NGEF: variants seen among roughly 807,000 people sequenced by gnomAD.
The protein encoded by NGEF is ephexin-1.
Under a neutral mutation model 80.9 loss-of-function variants are expected in NGEF, and 31 were observed. The observed-to-expected ratio is 0.38, with a 90% CI of 0.29 to 0.52. The LOEUF (loss-of-function observed/expected upper bound fraction) is 0.52. Among genes scored for constraint, NGEF ranks in the 20% least tolerant of loss-of-function variants. The probability of loss-of-function intolerance (pLI) is 0.84; values close to 1 mark genes in which losing one functional copy is unlikely to be tolerated. For missense variants in NGEF, 709 were observed against 926.2 expected, an observed-to-expected ratio of 0.77 and a Z score of 3.04; for synonymous variants, 371 against 370.2, an observed-to-expected ratio of 1.00 and a Z score of -0.03.
At chr2:232,894,615 T>G in intron 6 of NGEF, 141 bp downstream of exon 6, 3 of 912,646 alleles carry the variant, frequency 3.3e-6, no homozygotes, top group South Asian at 3.5e-5. Flanking sequence ...AGTTCTTCAT[T>G]TATTTATATT....
rs113024350 is a variant in NGEF, at chr2:232,894,748, G to A, written c.989+8C>T. The A allele has an allele frequency of 3.8e-5, 60 of 1,562,644 alleles. No individual in the cohort carries two copies. The highest frequency in any genetic ancestry group is 1.6e-4 in the East Asian group (7 of 43,884). Reference sequence around the variant, plus strand: ...CCTGAGGGAGGTGGCTGTCCCCCCCGTCCTCACCGCTCACTGACAGCCAGC... The same window carrying A: ...CCTGAGGGAGGTGGCTGTCCCCCCCATCCTCACCGCTCACTGACAGCCAGC... On this transcript the variant is annotated splice_region_variant and intron_variant, in intron 6 of 14. Coordinates refer to ENST00000264051, the MANE Select transcript of NGEF (RefSeq NM_019850.3).
rs146669880 is a variant in NGEF at position 232,975,611 on chromosome 2, A to G, written c.-74-647T>C. 4.3e-3 allele frequency among the ~76,000 whole-genome samples: 655 copies of G among 152,224 alleles called. 7 individuals carry two copies. The highest frequency in any genetic ancestry group is 0.014 in the African/African-American group (584 of 41,524). Reference sequence around the variant, plus strand: ...TATAGCATATCATCTGAACGAGGACACTTTTCATAGGAAAAGGGGGATACA... The same window carrying G: ...TATAGCATATCATCTGAACGAGGACGCTTTTCATAGGAAAAGGGGGATACA... On this transcript the variant is annotated intron_variant, in intron 1 of 14. Coordinates refer to ENST00000264051, the MANE Select transcript of NGEF (RefSeq NM_019850.3).
rs946341673 is a variant in NGEF, at chr2:232,892,762, G to A, written c.1142+136C>T. 1.4e-5 allele frequency: 13 copies of A among 939,076 alleles called. No homozygotes were observed. The highest frequency in any genetic ancestry group is 8.0e-5 in the South Asian group (5 of 62,728). 58.2% of individuals were successfully genotyped at this position (939,076 alleles called of 1,614,324 possible). A position where few individuals can be genotyped will look rare whatever the true frequency, so the allele number is the denominator to read the frequency against. On this transcript the variant is annotated intron_variant, in intron 7 of 14. Transcript: ENST00000264051. This position sits in a 1 kb window ranked among gnomAD's most constrained non-coding sequence, Gnocchi z 4.0. ...GTCACCAGTATCCCTGGCCAACTCC[G>A]GTGGCTCATGTGGACCTTGGGAACG...
chr2:232,908,651 T>C (rs951028507), intron 5 of NGEF, among the ~76,000 whole-genome samples: 2 of 152,116 alleles, frequency 1.3e-5, no homozygotes, highest in Non-Finnish European at 2.9e-5. Flanking sequence ...CCACTCCTCC[T>C]ACCTCAGCCT....
chr2:232,964,639 G>A (rs1465108425), intron 3 of NGEF, among the ~76,000 whole-genome samples: 1 of 152,202 alleles, frequency 6.6e-6, no homozygotes, highest in Non-Finnish European at 1.5e-5. Flanking sequence ...AGTGAACTGA[G>A]ATTTTGCCAC....
rs768333503 is a variant in NGEF at position 232,885,381 on chromosome 2, A to G, written c.1348-12T>C. The G allele has an allele frequency of 4.3e-6, 7 of 1,612,550 alleles. No individual in the cohort carries two copies. Among genetic ancestry groups the G allele is most frequent in the Non-Finnish European group, 5.9e-6 (7 of 1,178,670 alleles). ...CATGCCTTCACCACCTGGGACAAGA[A>G]GGAGGGCACATCAGGCCACCAAAGC... On this transcript the variant is annotated splice_polypyrimidine_tract_variant and intron_variant, in intron 9 of 14. Transcript: ENST00000264051.
chr2:232,968,909 T>C lies in NGEF; in HGVS notation c.383+1305A>G, dbSNP rs1025981276. On this transcript the variant is annotated intron_variant, in intron 3 of 14. Coordinates refer to ENST00000264051, the MANE Select transcript of NGEF (RefSeq NM_019850.3). Reference sequence around the variant, plus strand: ...TTTCCCTCCACCTGAACTGTGGCTGTGATGGCTGGAGCTTTGGCAGTCACC... The same window carrying C: ...TTTCCCTCCACCTGAACTGTGGCTGCGATGGCTGGAGCTTTGGCAGTCACC... Among the ~76,000 whole-genome samples, 8 of 152,340 alleles carry C rather than the reference T, an allele frequency of 5.3e-5. No individual in the cohort carries two copies. The East Asian group carries it at 1.4e-3, about 26-fold the overall frequency.
chr2:232,959,826 G>A (rs374936610), intron 3 of NGEF, among the ~76,000 whole-genome samples: 3 of 152,174 alleles, frequency 2.0e-5, no homozygotes, highest in Non-Finnish European at 4.4e-5. Flanking sequence ...TAATCTGCCC[G>A]CCTCGGCCTC....
Position 232,909,270 on chromosome 2 carries a change from C to G in NGEF, c.828+11014G>C, listed in dbSNP as rs147671379. On this transcript the variant is annotated intron_variant, in intron 5 of 14. Coordinates refer to ENST00000264051, the MANE Select transcript of NGEF (RefSeq NM_019850.3). ...TGGTAATAGTGTACTCCTTTCTTTT[C>G]CATCCTCTTTGAAGATCCGTGTATT... Among the ~76,000 whole-genome samples the G allele has an allele frequency of 9.5e-3, 1,441 of 152,276 alleles. 27 individuals carry two copies. Among genetic ancestry groups the G allele is most frequent in the African/African-American group, 0.033 (1,370 of 41,548 alleles).
At chr2:232,906,395 G>T (rs1270132047) in intron 5 of NGEF, among the ~76,000 whole-genome samples, 4 of 110,920 alleles carry the variant, frequency 3.6e-5, no homozygotes, top group African/African-American at 1.4e-4. Flanking sequence ...GGAGGGAGGT[G>T]GGGGGGTCAG....
At chr2:232,943,533 T>C (rs1264508659) in intron 3 of NGEF, among the ~76,000 whole-genome samples, 1 of 140,690 alleles carries the variant, frequency 7.1e-6, no homozygotes, top group Non-Finnish European at 1.6e-5. Flanking sequence ...TCTCACTCTG[T>C]CGCCCAGGCT....
chr2:233,007,386 G>T (rs1695107022), intron 1 of NGEF, among the ~76,000 whole-genome samples: 1 of 152,236 alleles, frequency 6.6e-6, no homozygotes, highest in Non-Finnish European at 1.5e-5. Context: ...AGAACCCTTT[G>T]GCCCGCCAGG....
intron 1 of NGEF, among the ~76,000 whole-genome samples, chr2:232,989,352 G>A (rs1421634353): frequency 6.6e-6 from 1 of 152,184 alleles, no homozygotes; most frequent in Non-Finnish European, 1.5e-5. Flanking sequence ...GGAGGCTGAG[G>A]CAGGAGAATT....
intron 1 of NGEF, among the ~76,000 whole-genome samples, chr2:232,986,053 C>G (rs1209024369): frequency 6.6e-6 from 1 of 151,926 alleles, no homozygotes; most frequent in African/African-American, 2.4e-5. Flanking sequence ...TGAAGATTGA[C>G]TTTTGCTTTA....
In NGEF at chr2:232,879,461, C is replaced by T. The variant is rs753427249; in HGVS notation, c.*28G>A. 2 of 1,578,220 alleles carry T rather than the reference C, an allele frequency of 1.3e-6. No individual in the cohort carries two copies. Among genetic ancestry groups the T allele is most frequent in the Non-Finnish European group, 8.6e-7 (1 of 1,157,364 alleles). ...CTTCTGTCGGGGTCTCATGCAGGCC[C>T]TGCTCCCGCTGGCCCCCTGGGTGGG... On this transcript the variant is annotated 3_prime_UTR_variant, in exon 15 of 15. Coordinates refer to ENST00000264051, the MANE Select transcript of NGEF (RefSeq NM_019850.3).
At chr2:232,888,251 C>CGCATACATGCAT (rs1691759546) in intron 8 of NGEF, 144 bp from the exon 9 acceptor site, 1 of 611,788 alleles carries the variant, frequency 1.6e-6, no homozygotes, top group African/African-American at 1.9e-5. Flanking sequence ...CGCACGCACA[C>CGCATACATGCAT]GCATACATGC....
chr2:232,936,054 C>T (rs958903893), intron 3 of NGEF, among the ~76,000 whole-genome samples: 12 of 152,142 alleles, frequency 7.9e-5, no homozygotes, highest in Admixed American at 7.9e-4. Context: ...AATGGACCTC[C>T]AAATCTAGGG....
chr2:232,895,329 C>A (rs1692022263), intron 5 of NGEF, among the ~76,000 whole-genome samples: 1 of 152,066 alleles, frequency 6.6e-6, no homozygotes, highest in Non-Finnish European at 1.5e-5. Flanking sequence ...GAGTTCAAGA[C>A]CACCCTGGCC....
intron 5 of NGEF, among the ~76,000 whole-genome samples, chr2:232,914,050 C>T (rs1200712923): frequency 6.6e-6 from 1 of 152,160 alleles, no homozygotes; most frequent in East Asian, 1.9e-4. Flanking sequence ...GACTAGGGGT[C>T]AGCAAACTAC....
Sources: allele counts gnomAD v4.1 joint callset (sites outside exome capture counted in the v4.1 genomes callset), GRCh38; gene constraint gnomAD v4.1.1; non-coding constraint Gnocchi (gnomAD v3.1); transcripts MANE v1.5; gene names NCBI Gene and HGNC (gene_info 2026-07-23, HGNC 2026-07-21).